Variants in LINGO2 observed in about 807,000 individuals in gnomAD.
LINGO2 encodes the protein leucine-rich repeat and immunoglobulin-like domain-containing nogo receptor-interacting protein 2.
In LINGO2, 14 loss-of-function variants were observed where a neutral mutation model predicts 30.6. The ratio of observed to expected loss-of-function variants is 0.46; its 90% CI spans 0.30 to 0.72. The LOEUF (loss-of-function observed/expected upper bound fraction) is 0.72, where lower values mean the gene tolerates loss of function less well. Among genes scored for constraint, LINGO2 ranks in the 30% least tolerant of loss-of-function variants. LINGO2 has a pLI of 0.07. For missense variants in LINGO2, 729 were observed against 751.7 expected (o/e 0.97, Z 0.35); for synonymous variants, 317 against 288.5 (o/e 1.10, Z -1.00).
chr9:28,585,142 A>G (rs1824464201), intron 1 of LINGO2, among the ~76,000 whole-genome samples: 1 of 152,046 alleles, frequency 6.6e-6, no homozygotes, highest in South Asian at 2.1e-4. Context: ...CATGTAAATG[A>G]CAATAGTGTT....
intron 3 of LINGO2, among the ~76,000 whole-genome samples, chr9:28,332,422 G>C (rs1232565220): frequency 6.6e-6 from 1 of 152,096 alleles, no homozygotes; most frequent in Non-Finnish European, 1.5e-5. Flanking sequence ...AGTGAAAACA[G>C]TAATGTACCA....
intron 3 of LINGO2, among the ~76,000 whole-genome samples, chr9:28,337,269 G>A (rs1382873489): frequency 2.0e-5 from 3 of 151,274 alleles, no homozygotes; most frequent in Non-Finnish European, 1.5e-5. Context: ...GGTTGTGGTA[G>A]GAAAAACGAC....
intron 1 of LINGO2, among the ~76,000 whole-genome samples, chr9:28,591,111 G>A (rs997321084): frequency 6.7e-6 from 1 of 149,938 alleles, no homozygotes; most frequent in Non-Finnish European, 1.5e-5. Flanking sequence ...TGAACAATGA[G>A]AACACATGGA....
chr9:28,011,993 A>G (rs960920218), intron 5 of LINGO2, among the ~76,000 whole-genome samples: 2 of 151,692 alleles, frequency 1.3e-5, no homozygotes, highest in African/African-American at 4.9e-5. Context: ...CACAGCATTA[A>G]TGAATTTATT....
the LINGO2 span, among the ~76,000 whole-genome samples, chr9:28,796,865 T>G: frequency 6.6e-6 from 1 of 151,714 alleles, no homozygotes; most frequent in Non-Finnish European, 1.5e-5. Flanking sequence ...ATTTTTCTTT[T>G]CCAAGATGTT....
chr9:28,143,234 G>A (rs1002709212), intron 4 of LINGO2, among the ~76,000 whole-genome samples: 1 of 152,130 alleles, frequency 6.6e-6, no homozygotes, highest in African/African-American at 2.4e-5. Context: ...TGTCCTAGTG[G>A]AATAGTTAAA....
intron 4 of LINGO2, among the ~76,000 whole-genome samples, chr9:28,268,909 C>G (rs1399186073): frequency 6.6e-6 from 1 of 152,048 alleles, no homozygotes. Context: ...GTATACAAGT[C>G]TTGAGAGATT....
At chr9:27,995,775 A>G (rs1821631598) in intron 5 of LINGO2, among the ~76,000 whole-genome samples, 1 of 152,188 alleles carries the variant, frequency 6.6e-6, no homozygotes, top group South Asian at 2.1e-4. Flanking sequence ...TGAATGGGGC[A>G]AAATTGAAAG....
intron 4 of LINGO2, among the ~76,000 whole-genome samples, chr9:28,161,327 G>A (rs1828279122): frequency 6.6e-6 from 1 of 151,904 alleles, no homozygotes; most frequent in Admixed American, 6.6e-5. Flanking sequence ...ATAATTAAGA[G>A]GAAAATAATG....
chr9:28,639,593 T>C (rs1827470863), intron 1 of LINGO2, among the ~76,000 whole-genome samples: 1 of 152,196 alleles, frequency 6.6e-6, no homozygotes, highest in African/African-American at 2.4e-5. Flanking sequence ...TTTGTCTCTT[T>C]TGATCTTTGT....
rs1197935 is a variant in LINGO2, at chr9:27,997,277, C to T, written c.-36+15078G>A. ...GTGAAAGACTTAAGATGTGCACGTG[C>T]TCATTAATTGAGGGTCAAGCTGTTC... is the stretch of plus-strand genomic sequence containing the variant. On this transcript the variant is annotated intron_variant, in intron 5 of 5. Transcript: ENST00000379992. Among the ~76,000 whole-genome samples, 385 of 152,326 alleles carry T rather than the reference C, an allele frequency of 2.5e-3. 2 individuals are homozygous for T. Among genetic ancestry groups the T allele is most frequent in the African/African-American group, 8.5e-3 (354 of 41,574 alleles).
At chr9:28,757,527 A>C in the LINGO2 span, among the ~76,000 whole-genome samples, 4 of 149,914 alleles carry the variant, frequency 2.7e-5, no homozygotes, top group Non-Finnish European at 5.9e-5. Context: ...GTAAAATGCA[A>C]AGTGGTAAAA....
chr9:28,271,386 T>G (rs1822935051), intron 4 of LINGO2, among the ~76,000 whole-genome samples: 1 of 152,150 alleles, frequency 6.6e-6, no homozygotes, highest in Non-Finnish European at 1.5e-5. Flanking sequence ...CTGTCTCTAC[T>G]ACACAATCTA....
Position 28,486,164 on chromosome 9 carries a change from C to T in LINGO2, c.-364-10139G>A, listed in dbSNP as rs185000283. 2.0e-4 allele frequency among the ~76,000 whole-genome samples: 30 copies of T among 152,204 alleles called. No homozygotes were observed. The East Asian group carries it at 3.9e-3, about 20-fold the overall frequency. On this transcript the variant is annotated intron_variant, in intron 1 of 5. Transcript: ENST00000379992. ...TCTAATGCTGATTTGAAATCCAGCACGTCCAGACTACTGAGTGTTGTTCAC... is the reference window on the plus strand; with the variant it reads ...TCTAATGCTGATTTGAAATCCAGCATGTCCAGACTACTGAGTGTTGTTCAC...
chr9:28,819,391 A>G, the LINGO2 span, among the ~76,000 whole-genome samples: 1 of 152,100 alleles, frequency 6.6e-6, no homozygotes, highest in Non-Finnish European at 1.5e-5. Context: ...CTCTTCCTCT[A>G]TGCATCCACA....
intron 2 of LINGO2, among the ~76,000 whole-genome samples, chr9:28,465,224 C>A: frequency 6.6e-6 from 1 of 152,116 alleles, no homozygotes; most frequent in Non-Finnish European, 1.5e-5. Flanking sequence ...AATGAGGTCA[C>A]AAGGACTTGA....
chr9:28,882,819 TC>T, the LINGO2 span, among the ~76,000 whole-genome samples: 1 of 152,120 alleles, frequency 6.6e-6, no homozygotes, highest in Non-Finnish European at 1.5e-5. Flanking sequence ...TAATTTTCAT[TC>T]CCTAAATGTC....
At chr9:28,794,836 C>CT in the LINGO2 span, among the ~76,000 whole-genome samples, 9,329 of 145,098 alleles carry the variant, frequency 0.064, 940 homozygotes, top group African/African-American at 0.22. Flanking sequence ...TTTTTTCTTT[C>CT]TTTTTTTTTT....
intron 2 of LINGO2, among the ~76,000 whole-genome samples, chr9:28,378,010 CTT>C (rs887192710): frequency 6.6e-6 from 1 of 152,178 alleles, no homozygotes; most frequent in Non-Finnish European, 1.5e-5. Context: ...TACATCAAGT[CTT>C]TTATTTCATT....
Sources: gnomAD v4.1 joint callset for allele counts (sites outside exome capture counted in the v4.1 genomes callset) on GRCh38, gnomAD v4.1.1 for gene constraint, MANE v1.5 for transcripts, NCBI Gene and HGNC (gene_info 2026-07-23, HGNC 2026-07-21) for gene names.